The following PLAAT5 variants were observed in gnomAD, a reference collection of about 807,000 sequenced individuals.
The protein encoded by PLAAT5 is phospholipase A and acyltransferase 5, also known as Ca(2+)-independent N-acyltransferase.
Under a neutral mutation model 27.8 loss-of-function variants are expected in PLAAT5, and 27 were observed. The observed-to-expected ratio is 0.97, with a 90% confidence interval of 0.72 to 1.34. PLAAT5 has a LOEUF of 1.34. Ranked by LOEUF, PLAAT5 falls within the 40% of genes most tolerant of loss-of-function variation. The pLI, the probability that PLAAT5 is intolerant of heterozygous loss-of-function variation, is 0.00. For synonymous variants in PLAAT5, 125 were observed against 136.1 expected, an observed-to-expected ratio of 0.92 and a Z score of 0.57; for missense variants, 368 against 343.8, an observed-to-expected ratio of 1.07 and a Z score of -0.56.
At chr11:63,474,161 G>A (rs925694250) in intron 3 of PLAAT5, among the ~76,000 whole-genome samples, 2 of 152,066 alleles carry the variant, frequency 1.3e-5, no homozygotes, top group African/African-American at 2.4e-5. Flanking sequence ...TATTAGTCTT[G>A]TAGCTTCCTT....
In PLAAT5 at chr11:63,490,916, G is replaced by A. The variant is rs764990354; in HGVS notation, c.119C>T (p.Ala40Val). The A allele has an allele frequency of 3.7e-6, 6 of 1,603,036 alleles. No individual in the cohort carries two copies. The South Asian group carries it at 6.7e-5, about 18-fold the overall frequency. The part of the protein sequence containing the change: ...ASTGPKDQPP[A>V]LRRSAVPHSE... ...GTGGGGCACAGCTGAACGTCTGAGC[G>A]CAGGCGGCTGGTCCTTGGGCCCGGT... The change falls in exon 1 of 6, where the codon GCG becomes GTG. Residue 40 changes from alanine to valine, a missense_variant. Coordinates refer to ENST00000540857, the MANE Select transcript of PLAAT5 (RefSeq NM_001146729.2).
chr11:63,478,330 T>G (rs1203757726), intron 3 of PLAAT5, among the ~76,000 whole-genome samples: 1 of 152,086 alleles, frequency 6.6e-6, no homozygotes, highest in Non-Finnish European at 1.5e-5. Flanking sequence ...ACTTTCTTTT[T>G]TTTTTTTTTA....
chr11:63,479,149 T>G (rs1376595223), intron 3 of PLAAT5, among the ~76,000 whole-genome samples: 1 of 152,126 alleles, frequency 6.6e-6, no homozygotes, highest in Non-Finnish European at 1.5e-5. Context: ...CAGAAGAGGT[T>G]GAGTGCTACG....
At position 63,482,725 on chromosome 11, in the gene PLAAT5, C is replaced by A. The variant is rs573261739; in HGVS notation, c.345+6146G>T. Among the ~76,000 whole-genome samples the A allele has an allele frequency of 2.0e-5, 3 of 152,100 alleles. No homozygotes were observed. The East Asian group carries it at 5.8e-4, about 29-fold the overall frequency. On this transcript the variant is annotated intron_variant, in intron 3 of 5. Transcript: ENST00000540857. ...TTTAAAAAAAAAGATATTCAGGCAA[C>A]AACTAGCACAATGATTAAAACAGCA... is the stretch of plus-strand genomic sequence containing the variant.
intron 3 of PLAAT5, among the ~76,000 whole-genome samples, chr11:63,483,195 G>T (rs2016325216): frequency 6.6e-6 from 1 of 152,030 alleles, no homozygotes; most frequent in African/African-American, 2.4e-5. Context: ...CACTAGACAG[G>T]TCATCAAGAC....
At chr11:63,477,193 A>G (rs2016171539) in intron 3 of PLAAT5, among the ~76,000 whole-genome samples, 1 of 152,198 alleles carries the variant, frequency 6.6e-6, no homozygotes, top group Non-Finnish European at 1.5e-5. Context: ...ATGTAGGCCC[A>G]CTAGGAAACA....
chr11:63,478,589 A>G (rs2016209384), intron 3 of PLAAT5, among the ~76,000 whole-genome samples: 1 of 152,238 alleles, frequency 6.6e-6, no homozygotes, highest in African/African-American at 2.4e-5. Flanking sequence ...CTGGGATTAC[A>G]GGCGTGAGCC....
chr11:63,464,736 A>C (rs2015812381), intron 5 of PLAAT5, among the ~76,000 whole-genome samples: 1 of 152,176 alleles, frequency 6.6e-6, no homozygotes, highest in Non-Finnish European at 1.5e-5. Context: ...TATTAACATG[A>C]ATAGCCCAAG....
At chr11:63,472,681 T>C (rs1168860194) in intron 3 of PLAAT5, among the ~76,000 whole-genome samples, 2 of 152,238 alleles carry the variant, frequency 1.3e-5, no homozygotes, top group Admixed American at 1.3e-4. Flanking sequence ...TAAGTATTTT[T>C]ATGCTATGAT....
intron 3 of PLAAT5, among the ~76,000 whole-genome samples, chr11:63,473,553 C>A (rs546098860): frequency 6.6e-6 from 1 of 152,028 alleles, no homozygotes; most frequent in Non-Finnish European, 1.5e-5. Flanking sequence ...TTCATAGGTG[C>A]CCTTTTTCAA....
intron 3 of PLAAT5, among the ~76,000 whole-genome samples, chr11:63,488,578 C>G (rs1010804957): frequency 1.3e-5 from 2 of 152,096 alleles, no homozygotes; most frequent in Non-Finnish European, 2.9e-5. Context: ...TTTGTCCAAC[C>G]CGCAGCCCAC....
intron 3 of PLAAT5, among the ~76,000 whole-genome samples, chr11:63,469,147 A>T (rs4963270): frequency 0.017 from 2,034 of 118,570 alleles, 9 homozygotes; most frequent in Middle Eastern, 0.027. Context: ...TGTGTGTGTG[A>T]GAGAGAGAGA....
At chr11:63,477,108 T>C (rs1476670492) in intron 3 of PLAAT5, among the ~76,000 whole-genome samples, 2 of 152,232 alleles carry the variant, frequency 1.3e-5, no homozygotes, top group Non-Finnish European at 2.9e-5. Flanking sequence ...TTTCCTTTAA[T>C]TCTTTAAACT....
chr11:63,471,302 T>G (rs1022977334), intron 3 of PLAAT5, among the ~76,000 whole-genome samples: 22 of 152,360 alleles, frequency 1.4e-4, no homozygotes, highest in Admixed American at 3.9e-4. Flanking sequence ...CAGATTTTTT[T>G]TGTATATAAC....
intron 3 of PLAAT5, among the ~76,000 whole-genome samples, chr11:63,476,739 A>G (rs2844325): frequency 1.4e-3 from 211 of 152,242 alleles, no homozygotes; most frequent in African/African-American, 4.9e-3. Flanking sequence ...AAATTTGGAA[A>G]GTATTCAGTT....
chr11:63,478,547 T>C (rs1410149394), intron 3 of PLAAT5, among the ~76,000 whole-genome samples: 1 of 152,170 alleles, frequency 6.6e-6, no homozygotes, highest in Non-Finnish European at 1.5e-5. Context: ...GGTCTCAATC[T>C]CCTGACCTGC....
chr11:63,489,547 G>C (rs2016512455), intron 2 of PLAAT5, among the ~76,000 whole-genome samples: 2 of 152,222 alleles, frequency 1.3e-5, no homozygotes, highest in Admixed American at 6.5e-5. Flanking sequence ...TAGTATAGTA[G>C]AGTAAAATAC....
intron 3 of PLAAT5, 126 bp downstream of exon 3, chr11:63,488,745 C>T: frequency 3.9e-6 from 2 of 513,090 alleles, no homozygotes; most frequent in East Asian, 3.3e-5. Context: ...CAAGACGTTT[C>T]TTCTTCCAGT....
chr11:63,489,282 A>G (rs914007545), intron 2 of PLAAT5, among the ~76,000 whole-genome samples: 1 of 152,218 alleles, frequency 6.6e-6, no homozygotes, highest in Non-Finnish European at 1.5e-5. Flanking sequence ...TTTCCAGTAC[A>G]TAAGAATTTA....
Sources: allele counts gnomAD v4.1 joint callset (sites outside exome capture counted in the v4.1 genomes callset), GRCh38; gene constraint gnomAD v4.1.1; transcripts MANE v1.5; gene names NCBI Gene and HGNC (gene_info 2026-07-23, HGNC 2026-07-21).